The following RABGEF1 variants were observed in gnomAD, a reference collection of about 807,000 sequenced individuals.
RABGEF1 encodes rab5 GDP/GTP exchange factor.
A neutral mutation model predicts 57.3 loss-of-function variants in RABGEF1; 26 were observed. The ratio of observed to expected loss-of-function variants is 0.45; its 90% CI spans 0.33 to 0.63. RABGEF1 has a LOEUF of 0.63. Among genes scored for constraint, RABGEF1 ranks in the 20% least tolerant of loss-of-function variants. The pLI, the probability that RABGEF1 is intolerant of heterozygous loss-of-function variation, is 0.02. For missense variants in RABGEF1, 464 were observed against 607.6 expected, an observed-to-expected ratio of 0.76 and a Z score of 2.48; for synonymous variants, 185 against 210.7, an observed-to-expected ratio of 0.88 and a Z score of 1.06.
intron 2 of RABGEF1, among the ~76,000 whole-genome samples, chr7:66,719,084 G>A (rs540785946): frequency 6.6e-6 from 1 of 152,316 alleles, no homozygotes; most frequent in East Asian, 1.9e-4. Context: ...AGCATTTGGT[G>A]GTTACCCAAC....
chr7:66,665,389 T>C, the RABGEF1 span: 1 of 151,852 alleles, frequency 6.6e-6, no homozygotes, highest in Non-Finnish European at 1.5e-5. Context: ...AGCGATCTTC[T>C]CACCTTGGCT....
At chr7:66,673,803 C>G in the RABGEF1 span, among the ~76,000 whole-genome samples, 1 of 151,718 alleles carries the variant, frequency 6.6e-6, no homozygotes, top group African/African-American at 2.4e-5. Flanking sequence ...CACTTGAGCC[C>G]AGGAGTTAGA....
chr7:66,762,419 T>C (rs1804653762), intron 1 of RABGEF1, among the ~76,000 whole-genome samples: 1 of 151,948 alleles, frequency 6.6e-6, no homozygotes, highest in Non-Finnish European at 1.5e-5. Flanking sequence ...GGCGAAACCC[T>C]GTCTCTACAA....
chr7:66,769,616 T>A (rs1392353447), intron 1 of RABGEF1, among the ~76,000 whole-genome samples: 1 of 152,184 alleles, frequency 6.6e-6, no homozygotes, highest in Non-Finnish European at 1.5e-5. Flanking sequence ...AAGTGGAAGT[T>A]TTGTCCATCT....
chr7:66,714,000 A>G (rs1398160125), intron 2 of RABGEF1, among the ~76,000 whole-genome samples: 3 of 152,202 alleles, frequency 2.0e-5, no homozygotes, highest in Non-Finnish European at 4.4e-5. Flanking sequence ...GTCTATGTTC[A>G]TAGAGACTAT....
chr7:66,738,508 T>C (rs1387519729), upstream of RABGEF1, among the ~76,000 whole-genome samples: 2 of 151,972 alleles, frequency 1.3e-5, no homozygotes, highest in Admixed American at 6.6e-5. Flanking sequence ...GGTGGGCAGA[T>C]TGCTTGAGTC....
At chr7:66,757,772 C>T (rs374623210) in intron 1 of RABGEF1, among the ~76,000 whole-genome samples, 2 of 152,160 alleles carry the variant, frequency 1.3e-5, no homozygotes, top group Non-Finnish European at 1.5e-5. Context: ...CCACCATGCC[C>T]GGCTAACTTT....
chr7:66,792,006 G>T (rs1040369937), intron 4 of RABGEF1, among the ~76,000 whole-genome samples: 54 of 151,988 alleles, frequency 3.6e-4, no homozygotes, highest in African/African-American at 1.3e-3. Context: ...CAGCTACTCG[G>T]GAGGCTGAGG....
intron 4 of RABGEF1, among the ~76,000 whole-genome samples, chr7:66,787,365 A>G (rs1451162639): frequency 1.0e-5 from 1 of 95,830 alleles, no homozygotes; most frequent in African/African-American, 4.0e-5. Context: ...TTTTTTTAAG[A>G]TAGAGTCTTG....
At position 66,757,615 on chromosome 7, in the gene RABGEF1, AC is replaced by A. The variant is rs1377320286; in HGVS notation, c.-17-14267del. On this transcript the variant is annotated intron_variant, in intron 1 of 8. Transcript: ENST00000284957. ...TAACTGCCTCTGGATGATGACTAAA[AC>A]TTTTTTTCTTTTTGAGATGGAGTCT... 3.3e-5 allele frequency among the ~76,000 whole-genome samples: 5 copies of A among 152,118 alleles called. No individual in the cohort carries two copies. In the South Asian group the frequency reaches 1.0e-3, roughly 32 times the overall value.
chr7:66,684,491 G>A (rs1446019193), intron 1 of RABGEF1, among the ~76,000 whole-genome samples: 1 of 152,152 alleles, frequency 6.6e-6, no homozygotes, highest in East Asian at 1.9e-4. Context: ...GTCTCTATCT[G>A]TCGTCCAGGT....
intron 1 of RABGEF1, among the ~76,000 whole-genome samples, chr7:66,700,843 G>A (rs953214960): frequency 1.3e-5 from 2 of 152,206 alleles, no homozygotes; most frequent in African/African-American, 4.8e-5. Flanking sequence ...AGGCCCCAGC[G>A]GCCCAGGCCA....
intron 1 of RABGEF1, among the ~76,000 whole-genome samples, chr7:66,750,265 A>G (rs572350959): frequency 6.6e-6 from 1 of 152,236 alleles, no homozygotes; most frequent in Non-Finnish European, 1.5e-5. Flanking sequence ...GAGAAATTCA[A>G]TGGCAAAGTG....
chr7:66,686,637 T>G (rs1790680030), intron 1 of RABGEF1, among the ~76,000 whole-genome samples: 1 of 152,178 alleles, frequency 6.6e-6, no homozygotes, highest in African/African-American at 2.4e-5. Flanking sequence ...ACAACAGCTA[T>G]CCTATTTAAT....
At chr7:66,715,580 A>G in intron 2 of RABGEF1, among the ~76,000 whole-genome samples, 1 of 152,222 alleles carries the variant, frequency 6.6e-6, no homozygotes, top group East Asian at 1.9e-4. Context: ...AGGATTATGT[A>G]GAAGTATGTA....
At chr7:66,739,007 A>G (rs1027887283), upstream of RABGEF1, among the ~76,000 whole-genome samples, 1 of 151,862 alleles carries the variant, frequency 6.6e-6, no homozygotes, top group African/African-American at 2.4e-5. Context: ...CTGGAGTGCA[A>G]TGGCGCAATC....
chr7:66,661,338 T>C, the RABGEF1 span, among the ~76,000 whole-genome samples: 1 of 147,982 alleles, frequency 6.8e-6, no homozygotes, highest in African/African-American at 2.5e-5. Context: ...ACTGTGACTT[T>C]ACAGCAATTA....
At chr7:66,654,874 G>A in the RABGEF1 span, among the ~76,000 whole-genome samples, 1 of 152,236 alleles carries the variant, frequency 6.6e-6, no homozygotes, top group African/African-American at 2.4e-5. Flanking sequence ...CGTCTAACGT[G>A]CTCGTTGCCG....
At chr7:66,684,525 G>A (rs1222970799) in intron 1 of RABGEF1, among the ~76,000 whole-genome samples, 2 of 152,200 alleles carry the variant, frequency 1.3e-5, no homozygotes, top group Admixed American at 6.5e-5. Flanking sequence ...CAGGAACACA[G>A]CTAACTGCAA....
Sources: gnomAD v4.1 joint callset for allele counts (sites outside exome capture counted in the v4.1 genomes callset) on GRCh38, gnomAD v4.1.1 for gene constraint, MANE v1.5 for transcripts, NCBI Gene and HGNC (gene_info 2026-07-23, HGNC 2026-07-21) for gene names.